Variants in IFT80 observed in about 807,000 individuals in gnomAD.
The protein encoded by IFT80 is intraflagellar transport protein 80 homolog.
Under a neutral mutation model 107.9 loss-of-function variants are expected in IFT80, and 79 were observed. The observed-to-expected ratio is 0.73, with a 90% CI of 0.61 to 0.88. The LOEUF is 0.88. Ranked by LOEUF, IFT80 falls within the 40% of genes least tolerant of loss-of-function variation. The pLI is 0.00. For synonymous variants in IFT80, 299 were observed against 300.9 expected, an observed-to-expected ratio of 0.99 and a Z score of 0.07; for missense variants, 797 against 914.2, an observed-to-expected ratio of 0.87 and a Z score of 1.65.
At chr3:160,364,515 G>A (rs1721725320) in intron 6 of IFT80, among the ~76,000 whole-genome samples, 1 of 152,100 alleles carries the variant, frequency 6.6e-6, no homozygotes, top group East Asian at 1.9e-4. Flanking sequence ...TATACCCAAA[G>A]GATTATAAAC....
chr3:160,306,741 A>G (rs1488578592), intron 10 of IFT80, among the ~76,000 whole-genome samples: 1 of 152,220 alleles, frequency 6.6e-6, no homozygotes, highest in Non-Finnish European at 1.5e-5. Context: ...TTTTAAATAT[A>G]TAGTTGTAGC....
intron 5 of IFT80, among the ~76,000 whole-genome samples, chr3:160,372,891 T>G (rs1711637224): frequency 6.6e-6 from 1 of 152,208 alleles, no homozygotes; most frequent in Non-Finnish European, 1.5e-5. Context: ...TTTACCCATC[T>G]ATGGGAGGGC....
Position 160,381,511 on chromosome 3 carries a change from C to T in IFT80, c.251G>A (p.Ser84Asn), listed in dbSNP as rs1387496105. 6.2e-7 allele frequency: 1 copy of T among 1,612,230 alleles called. No individual in the cohort carries two copies. The highest frequency in any genetic ancestry group is 2.2e-5 in the East Asian group (1 of 44,828). The change falls in exon 3 of 20, where the codon AGT becomes AAT. Residue 84 changes from serine (S) to asparagine (N), a missense_variant. Physicochemically the swap from Ser to Asn is conservative, Grantham distance 46. Coordinates refer to ENST00000326448, the MANE Select transcript of IFT80 (RefSeq NM_020800.3). ...QTQAESFVLT[S>N]SDGKFHLISK... ...GTTTATTTAAAACTTACCATCAGAA[C>T]TTGTGAGGACAAAGCTTTCTGCCTG...
intron 19 of IFT80, among the ~76,000 whole-genome samples, chr3:160,260,474 A>G (rs1712734241): frequency 6.6e-6 from 1 of 152,242 alleles, no homozygotes; most frequent in African/African-American, 2.4e-5. Flanking sequence ...TTGATAATAT[A>G]CTGAACAACT....
intron 6 of IFT80, among the ~76,000 whole-genome samples, chr3:160,359,562 A>G (rs1284068642): frequency 1.3e-5 from 2 of 152,146 alleles, no homozygotes; most frequent in Admixed American, 6.5e-5. Context: ...GTGTAGCCTA[A>G]CTGGGAGACA....
intron 12 of IFT80, among the ~76,000 whole-genome samples, chr3:160,286,320 G>GT (rs1355376273): frequency 6.6e-6 from 1 of 152,230 alleles, no homozygotes; most frequent in Non-Finnish European, 1.5e-5. Context: ...GAATCAGAGA[G>GT]TGATTACCCT....
intron 12 of IFT80, among the ~76,000 whole-genome samples, chr3:160,297,427 A>G (rs1316901530): frequency 6.6e-6 from 1 of 152,090 alleles, no homozygotes; most frequent in Non-Finnish European, 1.5e-5. Flanking sequence ...GTACTCAGCA[A>G]AAAAAATTGG....
intron 4 of IFT80, among the ~76,000 whole-genome samples, chr3:160,376,875 C>T (rs1021103042): frequency 6.6e-5 from 10 of 152,176 alleles, no homozygotes; most frequent in African/African-American, 2.4e-4. Flanking sequence ...AGTGGATCCT[C>T]CAGCCCCAGA....
intron 12 of IFT80, among the ~76,000 whole-genome samples, chr3:160,300,198 A>G (rs1045896726): frequency 2.6e-5 from 4 of 152,096 alleles, no homozygotes; most frequent in Non-Finnish European, 5.9e-5. Context: ...TTATATATTT[A>G]TTAAATTTTA....
At chr3:160,345,899 T>C (rs1720258492) in intron 8 of IFT80, among the ~76,000 whole-genome samples, 1 of 152,074 alleles carries the variant, frequency 6.6e-6, no homozygotes, top group South Asian at 2.1e-4. Flanking sequence ...GGAGTATAAT[T>C]GGATGGTTTG....
intron 3 of IFT80, 123 bp downstream of exon 3, chr3:160,381,380 A>T (rs1712504786): frequency 1.3e-6 from 1 of 760,564 alleles, no homozygotes; most frequent in Non-Finnish European, 2.3e-6. Context: ...AAAGAAATAC[A>T]ATATGTGGAT....
intron 9 of IFT80, among the ~76,000 whole-genome samples, chr3:160,308,527 C>T (rs1716992111): frequency 6.6e-6 from 1 of 151,864 alleles, no homozygotes; most frequent in South Asian, 2.1e-4. Context: ...TATCTCTGGT[C>T]AATAAAAGAA....
chr3:160,392,338 G>C lies in IFT80; in HGVS notation c.-47+6808C>G, dbSNP rs535709203. 3.3e-5 allele frequency among the ~76,000 whole-genome samples: 5 copies of C among 152,258 alleles called. No individual in the cohort carries two copies. In the East Asian group the frequency reaches 5.8e-4, roughly 18 times the overall value. ...TGAATGTAAATATATTCACCATATA[G>C]TGACAACTACTAATTTCATATTTCT... On this transcript the variant is annotated intron_variant, in intron 1 of 19. Coordinates refer to ENST00000326448, the MANE Select transcript of IFT80 (RefSeq NM_020800.3).
chr3:160,320,841 T>C (rs972839652), intron 8 of IFT80, among the ~76,000 whole-genome samples: 4 of 151,886 alleles, frequency 2.6e-5, no homozygotes, highest in African/African-American at 7.2e-5. Flanking sequence ...CAGGCTCACT[T>C]TGACAACAAA....
At chr3:160,286,018 G>T (rs988018837) in intron 12 of IFT80, 150 bp from the exon 13 acceptor site, 3 of 572,002 alleles carry the variant, frequency 5.2e-6, no homozygotes, top group South Asian at 5.1e-5. Flanking sequence ...TATTAATGTG[G>T]TCACATTTCT....
At chr3:160,346,788 G>A (rs1414522578) in intron 8 of IFT80, among the ~76,000 whole-genome samples, 1 of 151,898 alleles carries the variant, frequency 6.6e-6, no homozygotes, top group Non-Finnish European at 1.5e-5. Context: ...TCTGACCTAG[G>A]CACTCCTTTA....
chr3:160,389,836 G>GT (rs940997029), intron 1 of IFT80, among the ~76,000 whole-genome samples: 1 of 152,048 alleles, frequency 6.6e-6, no homozygotes, highest in African/African-American at 2.4e-5. Flanking sequence ...AGTCCTTTGG[G>GT]TATATACCCA....
At chr3:160,355,018 A>C (rs1448906979) in intron 8 of IFT80, among the ~76,000 whole-genome samples, 1 of 152,222 alleles carries the variant, frequency 6.6e-6, no homozygotes, top group Admixed American at 6.5e-5. Flanking sequence ...TTCCCCAGTT[A>C]GGAATAGTAT....
At chr3:160,364,998 T>C (rs1314524839) in intron 6 of IFT80, among the ~76,000 whole-genome samples, 1 of 132,584 alleles carries the variant, frequency 7.5e-6, no homozygotes, top group South Asian at 2.4e-4. Context: ...ACTTAAAGTA[T>C]AATTAAAAAA....
Sources: allele counts gnomAD v4.1 joint callset (sites outside exome capture counted in the v4.1 genomes callset), GRCh38; gene constraint gnomAD v4.1.1; transcripts MANE v1.5; gene names NCBI Gene and HGNC (gene_info 2026-07-23, HGNC 2026-07-21).